Variants in MAPK6 observed in about 807,000 individuals in gnomAD.
MAPK6 encodes the protein mitogen-activated protein kinase 6.
A neutral mutation model predicts 59.3 loss-of-function variants in MAPK6; 19 were observed. The observed-to-expected ratio is 0.32, with a 90% confidence interval of 0.22 to 0.47. The LOEUF is 0.47. Among genes scored for constraint, MAPK6 ranks in the 20% least tolerant of loss-of-function variants. The pLI is 1.00. For synonymous variants in MAPK6, 316 were observed against 290.3 expected (o/e 1.09, Z -0.90); for missense variants, 724 against 847.9 (o/e 0.85, Z 1.81).
intron 4 of MAPK6, among the ~76,000 whole-genome samples, chr15:52,060,098 C>T (rs1351567165): frequency 6.6e-6 from 1 of 152,126 alleles, no homozygotes; most frequent in East Asian, 1.9e-4. Flanking sequence ...CATGGTTCAG[C>T]ACCATTGTAG....
chr15:52,016,062 G>GCACACA (rs1299801695), upstream of MAPK6, among the ~76,000 whole-genome samples: 86 of 59,132 alleles, frequency 1.5e-3, no homozygotes, highest in Admixed American at 3.1e-3. Context: ...TCGCGCGCGC[G>GCACACA]CGCGCGCGCA....
intron 1 of MAPK6, among the ~76,000 whole-genome samples, chr15:51,982,723 A>G: frequency 6.6e-6 from 1 of 152,236 alleles, no homozygotes; most frequent in Non-Finnish European, 1.5e-5. Context: ...GAAAACACTA[A>G]GAAAATATTT....
chr15:52,014,600 A>G (rs980017455), upstream of MAPK6, among the ~76,000 whole-genome samples: 1 of 151,638 alleles, frequency 6.6e-6, no homozygotes, highest in African/African-American at 2.4e-5. Context: ...CTAGCTACTC[A>G]GGGATCTGAG....
intron 4 of MAPK6, among the ~76,000 whole-genome samples, chr15:52,060,444 G>C (rs994486927): frequency 3.9e-5 from 6 of 152,192 alleles, no homozygotes; most frequent in Non-Finnish European, 5.9e-5. Context: ...GAGAAGGCCA[G>C]ATAGCAAAGG....
At position 52,046,398 on chromosome 15, in the gene MAPK6, A is replaced by T; in HGVS notation, c.-63A>T. 1 of 1,205,408 alleles carries T rather than the reference A, an allele frequency of 8.3e-7. No individual in the cohort carries two copies. The highest frequency in any genetic ancestry group is 2.3e-5 in the Admixed American group (1 of 42,844). The allele number at this position is 1,205,408 out of a possible 1,614,324, so 74.7% of individuals were successfully genotyped here. A position where few individuals can be genotyped will look rare whatever the true frequency, so the allele number is the denominator to read the frequency against. ...TTGAAAGATCTTTCCTTTTGATGCC[A>T]GTTTTCTTCCTTGTTTACACAAGTT... On this transcript the variant is annotated 5_prime_UTR_variant, in exon 2 of 6. Coordinates refer to ENST00000261845, the MANE Select transcript of MAPK6 (RefSeq NM_002748.4).
At position 52,050,371 on chromosome 15, in the gene MAPK6, G is replaced by A. The variant is rs2031738261; in HGVS notation, c.700+234G>A. ...GTTTAAATATAATTTCATATTTTGT[G>A]GACCCATAATACTTGTTGGTAATTT... is the stretch of plus-strand genomic sequence containing the variant. On this transcript the variant is annotated intron_variant, in intron 3 of 5. Transcript: ENST00000261845. Among the ~76,000 whole-genome samples the A allele has an allele frequency of 2.0e-5, 3 of 152,078 alleles. No homozygotes were observed. The South Asian group carries it at 6.2e-4, about 32-fold the overall frequency.
At chr15:52,014,885 C>T (rs1258072867), upstream of MAPK6, among the ~76,000 whole-genome samples, 1 of 152,164 alleles carries the variant, frequency 6.6e-6, no homozygotes, top group African/African-American at 2.4e-5. Context: ...GGGCAATGCT[C>T]TCTTATTTAG....
chr15:51,994,992 A>G (rs2057220496), intron 2 of MAPK6, among the ~76,000 whole-genome samples: 1 of 152,216 alleles, frequency 6.6e-6, no homozygotes, highest in Non-Finnish European at 1.5e-5. Context: ...ATTGTGCTGG[A>G]GGAATATGCT....
chr15:51,997,003 G>A (rs560449144), intron 2 of MAPK6, among the ~76,000 whole-genome samples: 17 of 146,870 alleles, frequency 1.2e-4, no homozygotes, highest in Non-Finnish European at 1.6e-4. Context: ...TTTTTGAGAC[G>A]AAGTCTCACT....
chr15:52,066,739 G>C lies in MAPK6; in HGVS notation c.*1739G>C, dbSNP rs1009036305. ...CCTTCTCAACAACTGACTTCATCTG[G>C]ATTCACAAAGCCATATATATACACG... On this transcript the variant is annotated 3_prime_UTR_variant, in exon 6 of 6. Transcript: ENST00000261845. 3.3e-5 allele frequency: 5 copies of C among 150,048 alleles called. No homozygotes were observed. The highest frequency in any genetic ancestry group is 1.2e-4 in the African/African-American group (5 of 40,884). The allele number at this position is 150,048 out of a possible 1,614,324, so 9.3% of individuals were successfully genotyped here.
chr15:52,037,509 C>G (rs983418027), intron 1 of MAPK6, among the ~76,000 whole-genome samples: 4 of 152,156 alleles, frequency 2.6e-5, no homozygotes, highest in African/African-American at 9.7e-5. Context: ...TCCTGCTTGA[C>G]TGATTATATA....
At chr15:52,010,513 CCT>C (rs1566898117) in intron 3 of MAPK6, among the ~76,000 whole-genome samples, 9 of 133,616 alleles carry the variant, frequency 6.7e-5, no homozygotes, top group Admixed American at 3.3e-4. Context: ...TTGCACCCAG[CCT>C]TTTTTTTTTT....
At chr15:52,024,752 C>T (rs1410095712) in intron 1 of MAPK6, 2 of 152,284 alleles carry the variant, frequency 1.3e-5, no homozygotes, top group Non-Finnish European at 2.9e-5. Context: ...CAATCTTGCC[C>T]TGTTGCCCAG....
chr15:52,049,030 C>G (rs1450089890), intron 2 of MAPK6, among the ~76,000 whole-genome samples: 2 of 152,172 alleles, frequency 1.3e-5, no homozygotes, highest in Non-Finnish European at 2.9e-5. Context: ...GCAGATCTCA[C>G]TCTCTCAGTC....
chr15:52,056,369 G>T (rs2031983646), intron 3 of MAPK6, among the ~76,000 whole-genome samples: 1 of 151,888 alleles, frequency 6.6e-6, no homozygotes, highest in Non-Finnish European at 1.5e-5. Flanking sequence ...AAAATAATCT[G>T]TCCTGACCCC....
rs77651695 is a variant in MAPK6 at position 52,038,802 on chromosome 15, G to A, written c.-631-7028G>A. 2.3e-3 allele frequency among the ~76,000 whole-genome samples: 344 copies of A among 152,234 alleles called. 5 individuals are homozygous for A. Among genetic ancestry groups the A allele is most frequent in the Admixed American group, 0.018 (282 of 15,292 alleles). On this transcript the variant is annotated intron_variant, in intron 1 of 5. Coordinates refer to ENST00000261845, the MANE Select transcript of MAPK6 (RefSeq NM_002748.4). ...TATAATTATTTAAAAATTTCCAGCC[G>A]TAAGTTTGTAGAAGGGATTATATTT... is the stretch of plus-strand genomic sequence containing the variant.
intron 2 of MAPK6, among the ~76,000 whole-genome samples, chr15:51,985,445 A>G (rs2057187772): frequency 6.7e-6 from 1 of 149,600 alleles, no homozygotes; most frequent in Non-Finnish European, 1.5e-5. Flanking sequence ...ACTTGAGGTC[A>G]GAAGTTTGAG....
chr15:52,027,349 CAAAAAA>C (rs71130120), intron 1 of MAPK6, among the ~76,000 whole-genome samples: 1 of 49,170 alleles, frequency 2.0e-5, no homozygotes, highest in Non-Finnish European at 3.3e-5. Context: ...GACTCCCTCT[CAAAAAA>C]AAAAAAAAAA....
chr15:52,041,217 A>G (rs1208946418), intron 1 of MAPK6, among the ~76,000 whole-genome samples: 3 of 151,352 alleles, frequency 2.0e-5, no homozygotes, highest in Admixed American at 6.6e-5. Flanking sequence ...TTGTTTTGAG[A>G]TGGAATTTTG....
Sources: gnomAD v4.1 joint callset for allele counts (sites outside exome capture counted in the v4.1 genomes callset) on GRCh38, gnomAD v4.1.1 for gene constraint, MANE v1.5 for transcripts, NCBI Gene and HGNC (gene_info 2026-07-23, HGNC 2026-07-21) for gene names.